GREB1L: variants seen among roughly 807,000 people sequenced by gnomAD.
The protein encoded by GREB1L is GREB1-like protein.
GREB1L carries 17 observed loss-of-function variants against 200.8 expected under a neutral mutation model. The observed-to-expected ratio is 0.08, with a 90% confidence interval of 0.06 to 0.13. GREB1L has a LOEUF of 0.13. GREB1L is among the 10% of genes least tolerant of loss of function. GREB1L has a pLI of 1.00. For synonymous variants in GREB1L, 789 were observed against 893.0 expected (o/e 0.88, Z 2.08); for missense variants, 1,657 against 2,367.7 (o/e 0.70, Z 6.23).
At chr18:21,276,260 G>A (rs1598622818) in intron 1 of GREB1L, among the ~76,000 whole-genome samples, 1 of 152,082 alleles carries the variant, frequency 6.6e-6, no homozygotes, top group Non-Finnish European at 1.5e-5. Context: ...CGGAGGCCTC[G>A]GTGTTTTTAA....
chr18:21,519,486 G>A (rs999292167), intron 31 of GREB1L, among the ~76,000 whole-genome samples: 5 of 151,920 alleles, frequency 3.3e-5, no homozygotes, highest in East Asian at 1.9e-4. Context: ...CCACACCCAC[G>A]AGATCTAATA....
intron 1 of GREB1L, among the ~76,000 whole-genome samples, chr18:21,349,190 A>G (rs552875768): frequency 5.3e-5 from 8 of 152,136 alleles, no homozygotes; most frequent in East Asian, 1.9e-4. Context: ...CACACTTCCA[A>G]AGTTACCTTT....
chr18:21,320,352 T>C (rs2038932811), intron 1 of GREB1L, among the ~76,000 whole-genome samples: 1 of 152,140 alleles, frequency 6.6e-6, no homozygotes, highest in Non-Finnish European at 1.5e-5. Flanking sequence ...ATGTATAAAA[T>C]ATTGTAATTA....
intron 15 of GREB1L, among the ~76,000 whole-genome samples, chr18:21,463,207 G>A (rs1336587361): frequency 3.2e-5 from 4 of 124,384 alleles, no homozygotes; most frequent in East Asian, 2.7e-4. Context: ...GTGCAGTGGC[G>A]TGATCTCGGC....
At chr18:21,298,030 A>G (rs1456880603) in intron 1 of GREB1L, among the ~76,000 whole-genome samples, 3 of 152,172 alleles carry the variant, frequency 2.0e-5, no homozygotes, top group Non-Finnish European at 4.4e-5. Flanking sequence ...AAGTCCAAGT[A>G]TGAAAGGCTT....
chr18:21,271,254 T>C (rs887689237), intron 1 of GREB1L, among the ~76,000 whole-genome samples: 3 of 152,184 alleles, frequency 2.0e-5, no homozygotes, highest in South Asian at 4.1e-4. Context: ...AATAAAAATA[T>C]CTTTGGATGT....
At chr18:21,380,565 T>G (rs1283610628) in intron 2 of GREB1L, 1 of 152,260 alleles carries the variant, frequency 6.6e-6, no homozygotes, top group Non-Finnish European at 1.5e-5. Flanking sequence ...GTGCGGGCTT[T>G]GTCATCACAT....
At chr18:21,255,001 C>A (rs2037779407) in intron 1 of GREB1L, among the ~76,000 whole-genome samples, 1 of 152,052 alleles carries the variant, frequency 6.6e-6, no homozygotes, top group Admixed American at 6.5e-5. Flanking sequence ...TACTCCAGAG[C>A]CTGGGAAAGG....
At chr18:21,290,440 T>G (rs1176106329) in intron 1 of GREB1L, among the ~76,000 whole-genome samples, 1 of 152,218 alleles carries the variant, frequency 6.6e-6, no homozygotes, top group Non-Finnish European at 1.5e-5. Context: ...TATAAATGTT[T>G]ATATAATCCT....
chr18:21,387,880 G>GA (rs1229442432), intron 4 of GREB1L, among the ~76,000 whole-genome samples: 5 of 152,050 alleles, frequency 3.3e-5, no homozygotes, highest in South Asian at 2.1e-4. Flanking sequence ...TTTTCCATCT[G>GA]AAAAAACTAA....
Position 21,312,482 on chromosome 18 carries a change from A to G in GREB1L, c.-119-53545A>G, listed in dbSNP as rs2038806579. On this transcript the variant is annotated intron_variant, in intron 1 of 32. Coordinates refer to ENST00000424526, the MANE Select transcript of GREB1L (RefSeq NM_001142966.3). The stretch of plus-strand genomic sequence containing the variant: ...ATTTTATTTTTTCTGCAACCTCACT[A>G]GCATCTGTTATTTTTGCCTTTTAGT... Among the ~76,000 whole-genome samples the G allele has an allele frequency of 2.0e-5, 3 of 151,562 alleles. 1 individual carries two copies. In the South Asian group the frequency reaches 6.3e-4, roughly 32 times the overall value.
At chr18:21,412,148 G>A (rs2031118654) in intron 7 of GREB1L, among the ~76,000 whole-genome samples, 1 of 150,980 alleles carries the variant, frequency 6.6e-6, no homozygotes, top group South Asian at 2.1e-4. Context: ...CTGTAGTCCT[G>A]GCACTTTGGG....
intron 1 of GREB1L, among the ~76,000 whole-genome samples, chr18:21,275,386 A>AT (rs961420230): frequency 2.4e-4 from 36 of 152,286 alleles, no homozygotes; most frequent in Admixed American, 2.6e-4. Flanking sequence ...TTAATTATTT[A>AT]TTTTTTTAGA....
intron 1 of GREB1L, among the ~76,000 whole-genome samples, chr18:21,301,432 C>G (rs893794725): frequency 6.6e-6 from 1 of 152,178 alleles, no homozygotes; most frequent in African/African-American, 2.4e-5. Flanking sequence ...GTTACCCCTT[C>G]CCAGTTACCC....
chr18:21,494,206 C>T (rs903666725), intron 19 of GREB1L, among the ~76,000 whole-genome samples: 1 of 152,114 alleles, frequency 6.6e-6, no homozygotes, highest in African/African-American at 2.4e-5. Context: ...TTTTCTAAAA[C>T]ACGGGAAGTC....
intron 1 of GREB1L, among the ~76,000 whole-genome samples, chr18:21,325,975 T>C (rs1173510780): frequency 2.0e-5 from 3 of 152,098 alleles, no homozygotes; most frequent in Non-Finnish European, 4.4e-5. Context: ...ATTGGTGTCA[T>C]GAGGAAGCTC....
chr18:21,336,327 G>A (rs1019946126), intron 1 of GREB1L, among the ~76,000 whole-genome samples: 1 of 152,106 alleles, frequency 6.6e-6, no homozygotes, highest in African/African-American at 2.4e-5. Flanking sequence ...CTCTTCTGTT[G>A]AAAGTTCACA....
intron 17 of GREB1L, among the ~76,000 whole-genome samples, chr18:21,481,555 A>G (rs1244092530): frequency 1.3e-5 from 2 of 150,922 alleles, no homozygotes; most frequent in Non-Finnish European, 2.9e-5. Context: ...GTACAGCTTG[A>G]TGAATTTTTA....
chr18:21,455,319 A>AACACACACACACAC (rs10581600), intron 15 of GREB1L, among the ~76,000 whole-genome samples: 5 of 150,638 alleles, frequency 3.3e-5, no homozygotes, highest in Admixed American at 1.3e-4. Flanking sequence ...AGCTGAGGAA[A>AACACACACACACAC]ACACACACAC....
Sources: gnomAD v4.1 joint callset for allele counts (sites outside exome capture counted in the v4.1 genomes callset) on GRCh38, gnomAD v4.1.1 for gene constraint, MANE v1.5 for transcripts, NCBI Gene and HGNC (gene_info 2026-07-23, HGNC 2026-07-21) for gene names.